The following ZFAT variants were observed in gnomAD, a reference collection of about 807,000 sequenced individuals.
The protein encoded by ZFAT is zinc finger and AT-hook domain containing.
Under a neutral mutation model 117.7 loss-of-function variants are expected in ZFAT, and 64 were observed. That is an observed-to-expected ratio of 0.54 (90% CI 0.44 to 0.67). The LOEUF (loss-of-function observed/expected upper bound fraction) is 0.67. Among genes scored for constraint, ZFAT ranks in the 30% least tolerant of loss-of-function variants. The probability of loss-of-function intolerance (pLI) is 0.00; values close to 1 mark genes in which losing one functional copy is unlikely to be tolerated. For synonymous variants in ZFAT, 679 were observed against 615.0 expected, an observed-to-expected ratio of 1.10 and a Z score of -1.54; for missense variants, 1,433 against 1,584.5, an observed-to-expected ratio of 0.90 and a Z score of 1.62.
the ZFAT span, among the ~76,000 whole-genome samples, chr8:134,827,486 T>A: frequency 6.6e-6 from 1 of 152,052 alleles, no homozygotes; most frequent in Admixed American, 6.5e-5. Context: ...ATCTAGTAAA[T>A]TGGCTGGGCA....
At chr8:134,490,473 G>A (rs752035020) in intron 15 of ZFAT, among the ~76,000 whole-genome samples, 2 of 152,328 alleles carry the variant, frequency 1.3e-5, no homozygotes, top group African/African-American at 2.4e-5. Context: ...GGTACTTGGC[G>A]ATGTCTGGTC....
chr8:134,800,511 G>A, the ZFAT span: 1 of 507,328 alleles, frequency 2.0e-6, no homozygotes, highest in East Asian at 5.7e-5. Context: ...AATGTTAATT[G>A]GTTGACATTC....
Position 134,564,872 on chromosome 8 carries a change from C to T in ZFAT, c.2976+461G>A, listed in dbSNP as rs543600134. 1.2e-5 allele frequency: 12 copies of T among 964,696 alleles called. No homozygotes were observed. The South Asian group carries it at 2.2e-4, about 18-fold the overall frequency. The allele number at this position is 964,696 out of a possible 1,614,324, so 59.8% of individuals were successfully genotyped here. On this transcript the variant is annotated intron_variant, in intron 11 of 15. Coordinates refer to ENST00000377838, the MANE Select transcript of ZFAT (RefSeq NM_020863.4). ...AAAAGAATATGAAATGCCACCATCT[C>T]CTGAGCCCCTGCAACATGCTGGGCA... is the stretch of plus-strand genomic sequence containing the variant.
chr8:134,604,152 T>C (rs1041151684), intron 5 of ZFAT, among the ~76,000 whole-genome samples: 1 of 152,210 alleles, frequency 6.6e-6, no homozygotes, highest in African/African-American at 2.4e-5. Context: ...CTAATAATTA[T>C]TGAGTATGTG....
At chr8:134,809,097 C>T in the ZFAT span, among the ~76,000 whole-genome samples, 1 of 152,320 alleles carries the variant, frequency 6.6e-6, no homozygotes, top group South Asian at 2.1e-4. Context: ...GGCAGAGAAA[C>T]ACAGCTCCCC....
chr8:134,697,061 G>A lies in ZFAT; in HGVS notation c.19+15784C>T, dbSNP rs566265550. ...GCCTCCAGAGTAGCTGGGATTACAG[G>A]TGCCCACCGCCACATCTGGCTAATT... On this transcript the variant is annotated intron_variant, in intron 1 of 15. Transcript: ENST00000377838. Among the ~76,000 whole-genome samples, 9 of 151,500 alleles carry A rather than the reference G, an allele frequency of 5.9e-5. No homozygotes were observed. In the East Asian group the frequency reaches 1.6e-3, roughly 26 times the overall value.
At chr8:134,765,478 A>C in the ZFAT span, 1 of 152,204 alleles carries the variant, frequency 6.6e-6, no homozygotes, top group African/African-American at 2.4e-5. Context: ...AACATTTACC[A>C]GTTCACTGGA....
the ZFAT span, among the ~76,000 whole-genome samples, chr8:134,756,023 ATC>A: frequency 6.6e-6 from 1 of 152,026 alleles, no homozygotes; most frequent in African/African-American, 2.4e-5. Flanking sequence ...CTGGGATTCC[ATC>A]TCTTTTTTCT....
chr8:134,796,036 T>G, the ZFAT span: 1 of 152,196 alleles, frequency 6.6e-6, no homozygotes, highest in Non-Finnish European at 1.5e-5. Context: ...ACACATGAAC[T>G]GACTATTCCC....
chr8:134,757,878 A>G, the ZFAT span, among the ~76,000 whole-genome samples: 1 of 152,152 alleles, frequency 6.6e-6, no homozygotes, highest in Admixed American at 6.5e-5. Context: ...TCTCTTGGCA[A>G]TTCAGATCGG....
intron 10 of ZFAT, among the ~76,000 whole-genome samples, chr8:134,575,867 GT>G (rs1189282804): frequency 1.3e-5 from 2 of 152,236 alleles, no homozygotes; most frequent in African/African-American, 4.8e-5. Flanking sequence ...GATTTATGCA[GT>G]GGCAAATCGA....
the ZFAT span, among the ~76,000 whole-genome samples, chr8:134,817,438 A>C: frequency 1.1e-5 from 1 of 92,810 alleles, no homozygotes; most frequent in Non-Finnish European, 2.5e-5. Flanking sequence ...CACACACACA[A>C]CGCACCCTTA....
intron 11 of ZFAT, among the ~76,000 whole-genome samples, chr8:134,547,989 A>G (rs1822827264): frequency 6.6e-6 from 1 of 152,234 alleles, no homozygotes; most frequent in Admixed American, 6.5e-5. Context: ...AAGCCACAGA[A>G]TGGAGTGAAG....
chr8:134,757,856 G>A, the ZFAT span, among the ~76,000 whole-genome samples: 1 of 152,318 alleles, frequency 6.6e-6, no homozygotes, highest in African/African-American at 2.4e-5. Flanking sequence ...GGGGACCAGA[G>A]AGGGGAACAG....
chr8:134,783,150 T>G, the ZFAT span, among the ~76,000 whole-genome samples: 54 of 152,304 alleles, frequency 3.5e-4, no homozygotes, highest in African/African-American at 1.3e-3. Flanking sequence ...AAGTTTGAGA[T>G]TTCATCCATT....
At chr8:134,636,098 A>G (rs1830194910) in intron 3 of ZFAT, among the ~76,000 whole-genome samples, 1 of 152,216 alleles carries the variant, frequency 6.6e-6, no homozygotes, top group African/African-American at 2.4e-5. Flanking sequence ...ACCAACCTAG[A>G]TGCTCCATAA....
chr8:134,596,960 GTGA>G (rs67749770), intron 7 of ZFAT, among the ~76,000 whole-genome samples: 35,300 of 151,078 alleles, frequency 0.23, 4,534 homozygotes, highest in East Asian at 0.53. Flanking sequence ...ATTAGCTGTG[GTGA>G]TGATAATTGC....
chr8:134,707,730 A>G (rs1813834242), intron 1 of ZFAT, among the ~76,000 whole-genome samples: 1 of 152,194 alleles, frequency 6.6e-6, no homozygotes, highest in Non-Finnish European at 1.5e-5. Context: ...TTCCACTGGC[A>G]TCCTCTAAGG....
chr8:134,735,673 G>A, the ZFAT span, among the ~76,000 whole-genome samples: 1 of 152,070 alleles, frequency 6.6e-6, no homozygotes, highest in East Asian at 1.9e-4. Flanking sequence ...CTGAGTGAGT[G>A]GGATTGTGTT....
Sources: gnomAD v4.1 joint callset for allele counts (sites outside exome capture counted in the v4.1 genomes callset) on GRCh38, gnomAD v4.1.1 for gene constraint, MANE v1.5 for transcripts, NCBI Gene and HGNC (gene_info 2026-07-23, HGNC 2026-07-21) for gene names.